Variants in NXN observed in about 807,000 individuals in gnomAD.
NXN encodes the protein nucleoredoxin 1.
NXN carries 16 observed loss-of-function variants against 48.6 expected under a neutral mutation model. The observed-to-expected ratio is 0.33, with a 90% confidence interval of 0.22 to 0.50. The LOEUF (loss-of-function observed/expected upper bound fraction) is 0.50, where lower values mean the gene tolerates loss of function less well. Among genes scored for constraint, NXN ranks in the 20% least tolerant of loss-of-function variants. The pLI is 0.98. For synonymous variants in NXN, 281 were observed against 269.6 expected (o/e 1.04, Z -0.41); for missense variants, 492 against 605.5 (o/e 0.81, Z 1.97).
rs1555612871 is a variant in NXN at position 841,612 on chromosome 17, A to AGGTCCCCCCGACCACGGC, written c.361-15535_361-15534insGCCGTGGTCGGGGGGACC. ...GGCGAGCAGGTCCCCCCGACCACAGAGCATCTCACACGGGCAAGCAGGTCC... is the reference window on the plus strand; with the variant it reads ...GGCGAGCAGGTCCCCCCGACCACAGAGGTCCCCCCGACCACGGCGCATCTCACACGGGCAAGCAGGTCC... On this transcript the variant is annotated intron_variant, in intron 1 of 7. Coordinates refer to ENST00000336868, the MANE Select transcript of NXN (RefSeq NM_022463.5). 5.0e-3 allele frequency among the ~76,000 whole-genome samples: 42 copies of AGGTCCCCCCGACCACGGC among 8,466 alleles called. 1 individual carries two copies. The highest frequency in any genetic ancestry group is 6.4e-3 in the African/African-American group (10 of 1,554). 5.6% of individuals were successfully genotyped at this position (8,466 alleles called of 152,430 possible).
In NXN at chr17:800,716, G is replaced by A. The variant is rs3813434; in HGVS notation, c.*233C>T. The A allele has an allele frequency of 0.11, 40,782 of 363,988 alleles. 2,526 individuals are homozygous for A. The highest frequency in any genetic ancestry group is 0.14 in the Admixed American group (3,012 of 21,458). 22.5% of individuals were successfully genotyped at this position (363,988 alleles called of 1,614,324 possible). A position where few individuals can be genotyped will look rare whatever the true frequency, so the allele number is the denominator to read the frequency against. On this transcript the variant is annotated 3_prime_UTR_variant, in exon 8 of 8. Transcript: ENST00000336868. ...GCAGCCCCGCTCTGGCCGGGCCCCC[G>A]GCCATCCCGTGCTCCCAAACAGAGT...
At chr17:916,945 C>T (rs1305458316) in intron 1 of NXN, among the ~76,000 whole-genome samples, 2 of 152,140 alleles carry the variant, frequency 1.3e-5, no homozygotes, top group Admixed American at 6.6e-5. Flanking sequence ...AGTTACCACC[C>T]TAACCTCTTC....
chr17:846,300 C>A (rs749609129), intron 1 of NXN, among the ~76,000 whole-genome samples: 1 of 151,204 alleles, frequency 6.6e-6, no homozygotes, highest in African/African-American at 2.4e-5. Context: ...CGCCTGTAAT[C>A]CCAGCTGCTC....
At chr17:903,027 T>G (rs1426080796) in intron 1 of NXN, among the ~76,000 whole-genome samples, 1 of 150,962 alleles carries the variant, frequency 6.6e-6, no homozygotes, top group African/African-American at 2.4e-5. Flanking sequence ...CACCTCGGCC[T>G]CCCAAAGAGC....
At chr17:933,436 G>A (rs2068875236) in intron 1 of NXN, 1 of 152,110 alleles carries the variant, frequency 6.6e-6, no homozygotes, top group Non-Finnish European at 1.5e-5. Flanking sequence ...GGGGGAAGGG[G>A]AAGAACTGGT....
chr17:939,826 T>G (rs563026467), intron 1 of NXN, among the ~76,000 whole-genome samples: 12 of 152,384 alleles, frequency 7.9e-5, no homozygotes, highest in South Asian at 6.2e-4. Context: ...ATGCTTTTTT[T>G]GTATTCGATG....
At chr17:831,210 A>C (rs1913446887) in intron 1 of NXN, among the ~76,000 whole-genome samples, 2 of 152,114 alleles carry the variant, frequency 1.3e-5, no homozygotes, top group South Asian at 4.1e-4. Context: ...CTGTAATCCC[A>C]GCACTTAGGG....
intron 1 of NXN, among the ~76,000 whole-genome samples, chr17:918,366 C>T (rs575662646): frequency 6.6e-6 from 1 of 152,286 alleles, no homozygotes; most frequent in East Asian, 1.9e-4. Flanking sequence ...GATCCATCAG[C>T]GAGTTTCATC....
At chr17:854,831 C>T (rs2067968249) in intron 1 of NXN, among the ~76,000 whole-genome samples, 1 of 151,730 alleles carries the variant, frequency 6.6e-6, no homozygotes, top group Admixed American at 6.6e-5. Context: ...TGGCCGCAGG[C>T]ACCTGTAGTT....
intron 2 of NXN, among the ~76,000 whole-genome samples, chr17:824,986 T>C (rs965699128): frequency 3.3e-5 from 5 of 152,084 alleles, no homozygotes; most frequent in African/African-American, 1.2e-4. Context: ...TCCCAGCACT[T>C]TGGGAGGCCG....
intron 6 of NXN, chr17:804,089 T>C (rs3851779): frequency 0.14 from 49,090 of 360,460 alleles, 3,863 homozygotes; most frequent in Middle Eastern, 0.18. Flanking sequence ...AGTCTTCCCA[T>C]TGAATTCCTC....
At chr17:950,855 C>A (rs1326812771) in intron 1 of NXN, among the ~76,000 whole-genome samples, 1 of 151,824 alleles carries the variant, frequency 6.6e-6, no homozygotes, top group Non-Finnish European at 1.5e-5. Context: ...AGAAGACCAA[C>A]AAATGACACA....
At chr17:979,225 G>GC (rs1367662509) in intron 1 of NXN, 94 bp downstream of exon 1, 7 of 597,294 alleles carry the variant, frequency 1.2e-5, no homozygotes, top group Non-Finnish European at 1.3e-5. Context: ...GGGACAACGG[G>GC]GTTGGCGGAG....
chr17:829,458 CTT>C (rs34243095), intron 1 of NXN, among the ~76,000 whole-genome samples: 1,995 of 140,966 alleles, frequency 0.014, 51 homozygotes, highest in African/African-American at 0.049. Context: ...CTCGGACTAT[CTT>C]TTTTTTTTTT....
At chr17:890,227 C>G (rs193063039) in intron 1 of NXN, among the ~76,000 whole-genome samples, 7 of 152,204 alleles carry the variant, frequency 4.6e-5, no homozygotes, top group Middle Eastern at 3.4e-3. Context: ...CTCGATGATC[C>G]TTTTCCCTCT....
In NXN at chr17:809,682, G is replaced by A. The variant is rs559661244; in HGVS notation, c.821-4435C>T. Among the ~76,000 whole-genome samples the A allele has an allele frequency of 2.0e-4, 31 of 152,334 alleles. No homozygotes were observed. The South Asian group carries it at 6.0e-3, about 29-fold the overall frequency. On this transcript the variant is annotated intron_variant, in intron 5 of 7. Coordinates refer to ENST00000336868, the MANE Select transcript of NXN (RefSeq NM_022463.5). Reference sequence around the variant, plus strand: ...TAGGACAGAAAGAGCTGGTGAGGACGCACCAGCAGGCAAAATATTAAGTGA... The same window carrying A: ...TAGGACAGAAAGAGCTGGTGAGGACACACCAGCAGGCAAAATATTAAGTGA...
At chr17:948,607 C>T (rs1228740172) in intron 1 of NXN, among the ~76,000 whole-genome samples, 1 of 151,976 alleles carries the variant, frequency 6.6e-6, no homozygotes, top group Admixed American at 6.6e-5. Flanking sequence ...TCCCGGGCGA[C>T]TGAAGATCAG....
intron 1 of NXN, among the ~76,000 whole-genome samples, chr17:876,279 A>G (rs2068214939): frequency 6.6e-6 from 1 of 152,202 alleles, no homozygotes; most frequent in Non-Finnish European, 1.5e-5. Flanking sequence ...AAGGAAATGC[A>G]GGTGCCCAGA....
At chr17:820,087 G>A (rs1029831196) in intron 4 of NXN, among the ~76,000 whole-genome samples, 4 of 152,302 alleles carry the variant, frequency 2.6e-5, no homozygotes, top group East Asian at 3.9e-4. Flanking sequence ...AGCGGAGACC[G>A]ACCCAAGGAA....
Sources: allele counts gnomAD v4.1 joint callset (sites outside exome capture counted in the v4.1 genomes callset), GRCh38; gene constraint gnomAD v4.1.1; transcripts MANE v1.5; gene names NCBI Gene and HGNC (gene_info 2026-07-23, HGNC 2026-07-21).